MYH11: variants seen among roughly 807,000 people sequenced by gnomAD.
The protein encoded by MYH11 is myosin-11.
A neutral mutation model predicts 246.6 loss-of-function variants in MYH11; 80 were observed. That is an observed-to-expected ratio of 0.32 (90% confidence interval 0.27 to 0.39). The LOEUF is 0.39. MYH11 is among the 10% of genes least tolerant of loss of function. The pLI, the probability that MYH11 is intolerant of heterozygous loss-of-function variation, is 1.00. For missense variants in MYH11, 2,158 were observed against 2,546.8 expected, an observed-to-expected ratio of 0.85 and a Z score of 3.29; for synonymous variants, 1,071 against 1,015.5, an observed-to-expected ratio of 1.05 and a Z score of -1.04.
At chr16:15,753,240 TCAA>T (rs1029712032) in intron 15 of MYH11, among the ~76,000 whole-genome samples, 151 bp downstream of exon 15, 52 of 152,232 alleles carry the variant, frequency 3.4e-4, no homozygotes, top group African/African-American at 1.1e-3. Context: ...AGAAATTGTT[TCAA>T]CGAGACATCA....
chr16:15,848,821 C>T (rs1213197938), intron 1 of MYH11, among the ~76,000 whole-genome samples: 1 of 152,136 alleles, frequency 6.6e-6, no homozygotes, highest in Non-Finnish European at 1.5e-5. Flanking sequence ...AAACTCAACT[C>T]GGAATACCAA....
intron 26 of MYH11, among the ~76,000 whole-genome samples, chr16:15,733,299 T>C (rs767729086): frequency 2.6e-5 from 4 of 152,190 alleles, no homozygotes; most frequent in Non-Finnish European, 4.4e-5. Flanking sequence ...GACAGCGCAA[T>C]CTTGGCCCCC....
At chr16:15,801,154 C>T (rs909979596) in intron 3 of MYH11, among the ~76,000 whole-genome samples, 4 of 151,962 alleles carry the variant, frequency 2.6e-5, no homozygotes, top group Admixed American at 6.6e-5. Flanking sequence ...TGCAGTGAGC[C>T]GAGATCGTGC....
chr16:15,817,217 C>A (rs544009440), intron 3 of MYH11, among the ~76,000 whole-genome samples: 1 of 152,124 alleles, frequency 6.6e-6, no homozygotes, highest in Non-Finnish European at 1.5e-5. Flanking sequence ...CACGGCCGGG[C>A]GCAGTGGCTC....
chr16:15,802,288 A>G (rs1341757897), intron 3 of MYH11, among the ~76,000 whole-genome samples: 1 of 152,180 alleles, frequency 6.6e-6, no homozygotes, highest in Non-Finnish European at 1.5e-5. Flanking sequence ...GACCCACTGA[A>G]TTCTCTCAGC....
At chr16:15,720,581 TC>T in intron 33 of MYH11, among the ~76,000 whole-genome samples, 1 of 148,030 alleles carries the variant, frequency 6.8e-6, no homozygotes, top group South Asian at 2.2e-4. Flanking sequence ...AAACCTTGTC[TC>T]CACTGAAAAA....
intron 13 of MYH11, among the ~76,000 whole-genome samples, chr16:15,756,988 C>T (rs1367266547): frequency 2.0e-5 from 3 of 150,608 alleles, no homozygotes; most frequent in East Asian, 2.0e-4. Flanking sequence ...TTAGTAGAGG[C>T]GGGGTTTCAC....
rs1362686614 is a variant in MYH11 at position 15,724,270 on chromosome 16, TC to T, written c.4255del (p.Glu1419LysfsTer39). The T allele has an allele frequency of 6.2e-7, 1 of 1,614,202 alleles. No individual in the cohort carries two copies. Among genetic ancestry groups the T allele is most frequent in the Admixed American group, 1.7e-5 (1 of 60,012 alleles). ...CTGCTGAAGCCTGTTCTTGGTCTTTTCCAGTTTATCATAAGCGGCCGCCTTC... is the reference window on the plus strand; with the variant it reads ...CTGCTGAAGCCTGTTCTTGGTCTTTTCAGTTTATCATAAGCGGCCGCCTTC... ...EEKAAAYDKL[E>X]KTKNRLQQEL... is the part of the protein sequence containing the mutation. On this transcript the variant is annotated frameshift_variant, in exon 31 of 41. Coordinates refer to ENST00000300036, the MANE Select transcript of MYH11 (RefSeq NM_002474.3). LOFTEE classifies it high-confidence loss of function.
At chr16:15,751,962 T>G (rs1401195265) in intron 15 of MYH11, among the ~76,000 whole-genome samples, 1 of 151,894 alleles carries the variant, frequency 6.6e-6, no homozygotes, top group Non-Finnish European at 1.5e-5. Context: ...CAGTTAGTTT[T>G]TGTATTTTTA....
chr16:15,814,908 G>A (rs1484080708), intron 3 of MYH11, among the ~76,000 whole-genome samples: 1 of 148,806 alleles, frequency 6.7e-6, no homozygotes, highest in Non-Finnish European at 1.5e-5. Flanking sequence ...CTGAAAGAAG[G>A]AAGGTATAAT....
intron 14 of MYH11, among the ~76,000 whole-genome samples, chr16:15,754,164 C>T (rs1270288586): frequency 6.6e-6 from 1 of 152,102 alleles, no homozygotes; most frequent in Non-Finnish European, 1.5e-5. Flanking sequence ...TTGCAGTGAG[C>T]TGAGATTGCG....
chr16:15,709,286 T>C (rs2039646497), intron 40 of MYH11, among the ~76,000 whole-genome samples: 1 of 151,966 alleles, frequency 6.6e-6, no homozygotes. Flanking sequence ...GTGAATCACC[T>C]GACGCCAAGA....
rs1427020506 is a variant in MYH11 at position 15,717,262 on chromosome 16, G to T, written c.5382C>A (p.Asn1794Lys). ...ESARQQLERQ[N>K]KELRSKLHEM... ...CGTGGAGCTTGCTCCGGAGCTCCTT[G>T]TTCTGCCGCTCGAGCTGCTGCCGGG... The change falls in exon 38 of 41, where the codon AAC becomes AAA. Residue 1794 changes from asparagine to lysine, a missense_variant. Asn to Lys is a moderately conservative substitution (Grantham distance 94). Around this residue, in one of 11 missense-constraint regions of MYH11, gnomAD observed 1,013 missense variants for 993.5 expected, o/e 1.02. Transcript: ENST00000300036. 1 of 1,614,000 alleles carries T rather than the reference G, an allele frequency of 6.2e-7. No individual in the cohort carries two copies. Among genetic ancestry groups the T allele is most frequent in the African/African-American group, 1.3e-5 (1 of 74,946 alleles).
At chr16:15,742,522 A>T (rs1222256659) in intron 20 of MYH11, among the ~76,000 whole-genome samples, 2 of 152,098 alleles carry the variant, frequency 1.3e-5, no homozygotes, top group Non-Finnish European at 2.9e-5. Flanking sequence ...CAAGCGCTTG[A>T]GCCCAGGAGT....
chr16:15,845,280 G>A (rs999272995), intron 1 of MYH11, among the ~76,000 whole-genome samples: 1 of 146,208 alleles, frequency 6.8e-6, no homozygotes, highest in Non-Finnish European at 1.5e-5. Flanking sequence ...TCTTAAAACA[G>A]TATGATATTT....
intron 26 of MYH11, among the ~76,000 whole-genome samples, chr16:15,733,581 C>T (rs2041029993): frequency 2.6e-5 from 4 of 151,242 alleles, no homozygotes; most frequent in South Asian, 4.2e-4. Flanking sequence ...CTTGCTCCGT[C>T]GTCCAGACTG....
At chr16:15,716,828 ATC>A (rs1465546500) in intron 38 of MYH11, among the ~76,000 whole-genome samples, 3 of 152,048 alleles carry the variant, frequency 2.0e-5, no homozygotes, top group South Asian at 4.2e-4. Context: ...TGGATTTTTG[ATC>A]TGTCAGCATG....
chr16:15,715,715 A>T (rs370331958), intron 38 of MYH11, among the ~76,000 whole-genome samples: 1 of 152,264 alleles, frequency 6.6e-6, no homozygotes, highest in East Asian at 1.9e-4. Flanking sequence ...ACCCTAGTTC[A>T]TAGTTCACTG....
intron 20 of MYH11, 98 bp from the exon 21 acceptor site, chr16:15,741,989 C>T (rs1382900835): frequency 6.6e-6 from 10 of 1,520,502 alleles, no homozygotes; most frequent in South Asian, 4.7e-5. Context: ...GACAATGTTG[C>T]CCCCACCGAT....
Sources: allele counts gnomAD v4.1 joint callset (sites outside exome capture counted in the v4.1 genomes callset), GRCh38; gene constraint gnomAD v4.1.1; regional missense constraint gnomAD v4.1.1; transcripts MANE v1.5; gene names NCBI Gene and HGNC (gene_info 2026-07-23, HGNC 2026-07-21).